The following PLEKHG1 variants were observed in gnomAD, a reference collection of about 807,000 sequenced individuals.
The protein encoded by PLEKHG1 is pleckstrin homology domain-containing family G member 1.
PLEKHG1 carries 44 observed loss-of-function variants against 100.8 expected under a neutral mutation model. The observed-to-expected ratio is 0.44, with a 90% CI of 0.34 to 0.56. The LOEUF (loss-of-function observed/expected upper bound fraction) is 0.56, where lower values mean the gene tolerates loss of function less well. Ranked by LOEUF, PLEKHG1 falls within the 20% of genes least tolerant of loss-of-function variation. The pLI, the probability that PLEKHG1 is intolerant of heterozygous loss-of-function variation, is 0.01. For missense variants in PLEKHG1, 1,545 were observed against 1,720.9 expected, an observed-to-expected ratio of 0.90 and a Z score of 1.81; for synonymous variants, 640 against 662.5, an observed-to-expected ratio of 0.97 and a Z score of 0.52.
chr6:150,652,157 G>C (rs1010045633), intron 3 of PLEKHG1: 15 of 152,206 alleles, frequency 9.9e-5, no homozygotes, highest in African/African-American at 3.6e-4. Flanking sequence ...TGGTGGTGTT[G>C]GTTCTTGAAA....
chr6:150,611,522 T>C (rs1176064181), intron 1 of PLEKHG1, among the ~76,000 whole-genome samples: 1 of 151,962 alleles, frequency 6.6e-6, no homozygotes, highest in African/African-American at 2.4e-5. Flanking sequence ...TATTAGAAAA[T>C]AAATGGTGGC....
rs200588704 is a variant in PLEKHG1, at chr6:150,723,728, CTGTT to C, written c.-99+2531_-99+2534del. Reference sequence around the variant, plus strand: ...TAAGGCTCACCTGTTATAATAGAGACTGTTTGGGTTCTCTCTTATTGCTTAACCA... The same window carrying C: ...TAAGGCTCACCTGTTATAATAGAGACTGGGTTCTCTCTTATTGCTTAACCA... On this transcript the variant is annotated intron_variant, in intron 1 of 15. Transcript: ENST00000358517. Among the ~76,000 whole-genome samples the C allele has an allele frequency of 7.4e-3, 1,123 of 152,246 alleles. 15 individuals are homozygous for C. The highest frequency in any genetic ancestry group is 0.023 in the African/African-American group (971 of 41,542).
intron 2 of PLEKHG1, among the ~76,000 whole-genome samples, chr6:150,742,551 T>G (rs1782927932): frequency 9.7e-6 from 1 of 103,210 alleles, no homozygotes; most frequent in South Asian, 3.2e-4. Flanking sequence ...GGCAATAGAG[T>G]GAGACTCCAT....
At chr6:150,809,498 C>T in intron 9 of PLEKHG1, 22 bp downstream of exon 10, 2 of 1,578,792 alleles carry the variant, frequency 1.3e-6, no homozygotes, top group Non-Finnish European at 1.7e-6. Flanking sequence ...GCCCTGGCCT[C>T]TCCGCAAGGC....
chr6:150,797,561 A>T (rs1786421533), intron 5 of PLEKHG1, among the ~76,000 whole-genome samples: 1 of 149,138 alleles, frequency 6.7e-6, no homozygotes, highest in African/African-American at 2.4e-5. Flanking sequence ...GCGGCTGGAT[A>T]CAGAGACTTA....
At chr6:150,699,598 C>T (rs891984797) in intron 3 of PLEKHG1, among the ~76,000 whole-genome samples, 1 of 152,204 alleles carries the variant, frequency 6.6e-6, no homozygotes, top group African/African-American at 2.4e-5. Context: ...ACATTGAGAA[C>T]AAGCGATGTT....
intron 10 of PLEKHG1, among the ~76,000 whole-genome samples, chr6:150,812,268 G>A (rs1221856827): frequency 2.0e-5 from 3 of 152,116 alleles, no homozygotes; most frequent in African/African-American, 7.2e-5. Context: ...AAGCCCTAAG[G>A]TTTAATAAGA....
chr6:150,820,425 A>G (rs544567154), intron 12 of PLEKHG1, among the ~76,000 whole-genome samples: 1 of 152,284 alleles, frequency 6.6e-6, no homozygotes, highest in South Asian at 2.1e-4. Context: ...TCCATGAACT[A>G]TTGTCTTAGT....
intron 14 of PLEKHG1, chr6:150,827,981 T>G: frequency 1.2e-6 from 2 of 1,612,578 alleles, no homozygotes; most frequent in African/African-American, 2.7e-5. Context: ...TTCAAGAAGT[T>G]ACCAAAGCTG....
rs535201539 is a variant in PLEKHG1, at chr6:150,712,337, A to T, written c.-98-21247A>T. Among the ~76,000 whole-genome samples the T allele has an allele frequency of 1.2e-3, 187 of 152,312 alleles. 1 individual carries two copies. The highest frequency in any genetic ancestry group is 0.01 in the Middle Eastern group (3 of 294). On this transcript the variant is annotated intron_variant, in intron 3 of 3. Coordinates refer to the PLEKHG1 transcript ENST00000367326. Reference sequence around the variant, plus strand: ...GGGAGCGGAGTGTGCAGACCTTTAGACAAAGCAAGACTGGGAAAGATTGGG... The same window carrying T: ...GGGAGCGGAGTGTGCAGACCTTTAGTCAAAGCAAGACTGGGAAAGATTGGG...
intron 3 of PLEKHG1, among the ~76,000 whole-genome samples, chr6:150,658,330 T>A (rs79719580): frequency 4.6e-5 from 7 of 152,246 alleles, no homozygotes; most frequent in Non-Finnish European, 7.3e-5. Context: ...GGAATTGCAA[T>A]TGATCTTAAG....
At chr6:150,696,627 TCAAC>T (rs1388942627) in intron 3 of PLEKHG1, among the ~76,000 whole-genome samples, 8 of 152,208 alleles carry the variant, frequency 5.3e-5, no homozygotes, top group East Asian at 1.9e-4. Flanking sequence ...AAAGGAATCT[TCAAC>T]CAACCAGAAG....
intron 3 of PLEKHG1, among the ~76,000 whole-genome samples, chr6:150,782,334 C>T (rs573748049): frequency 4.6e-4 from 70 of 152,058 alleles, no homozygotes; most frequent in Non-Finnish European, 9.0e-4. Context: ...GCAGAGGTTA[C>T]AGTGAGCCGA....
At chr6:150,601,440 T>G (rs2128548627) in intron 1 of PLEKHG1, among the ~76,000 whole-genome samples, 1 of 152,270 alleles carries the variant, frequency 6.6e-6, no homozygotes. Flanking sequence ...GGCCTCCTGC[T>G]CATTCCTCAT....
chr6:150,772,600 C>T (rs1433705196), intron 3 of PLEKHG1, among the ~76,000 whole-genome samples: 3 of 152,200 alleles, frequency 2.0e-5, no homozygotes, highest in Non-Finnish European at 4.4e-5. Context: ...GCCTGGGCAA[C>T]AGAGTGAGAC....
chr6:150,819,948 C>A (rs1776203842), intron 12 of PLEKHG1, among the ~76,000 whole-genome samples, 174 bp downstream of exon 13: 1 of 151,970 alleles, frequency 6.6e-6, no homozygotes, highest in Non-Finnish European at 1.5e-5. Flanking sequence ...AAACTCTTTT[C>A]TCTGTAATCC....
intron 3 of PLEKHG1, among the ~76,000 whole-genome samples, chr6:150,687,724 G>C (rs1455847628): frequency 6.6e-6 from 1 of 152,146 alleles, no homozygotes; most frequent in Non-Finnish European, 1.5e-5. Flanking sequence ...GGCTCTCAGA[G>C]CTGGCCTGCT....
exon 4 of PLEKHG1, chr6:150,786,415 T>C: frequency 6.2e-7 from 1 of 1,613,326 alleles, no homozygotes; most frequent in Non-Finnish European, 8.5e-7. Context: ...TTTGGAAAAC[T>C]GTGAAAATGA....
chr6:150,663,829 G>C (rs1219201393), intron 3 of PLEKHG1: 1 of 152,222 alleles, frequency 6.6e-6, no homozygotes, highest in African/African-American at 2.4e-5. Context: ...TGGGATTACA[G>C]GTGTGAGCCA....
Sources: allele counts gnomAD v4.1 joint callset (sites outside exome capture counted in the v4.1 genomes callset), GRCh38; gene constraint gnomAD v4.1.1; transcripts MANE v1.5; gene names NCBI Gene and HGNC (gene_info 2026-07-23, HGNC 2026-07-21).